MAML2: variants seen among roughly 807,000 people sequenced by gnomAD.
MAML2 encodes the protein mastermind like transcriptional coactivator 2.
In MAML2, 22 loss-of-function variants were observed where a neutral mutation model predicts 96.1. The observed-to-expected ratio is 0.23, with a 90% confidence interval of 0.16 to 0.33. The LOEUF is 0.33. Ranked by LOEUF, MAML2 falls within the 10% of genes least tolerant of loss-of-function variation. MAML2 has a pLI of 1.00. For missense variants in MAML2, 1,367 were observed against 1,392.4 expected, an observed-to-expected ratio of 0.98 and a Z score of 0.29; for synonymous variants, 561 against 521.3, an observed-to-expected ratio of 1.08 and a Z score of -1.04.
At chr11:96,164,770 C>A (rs1861165629) in intron 1 of MAML2, among the ~76,000 whole-genome samples, 1 of 152,180 alleles carries the variant, frequency 6.6e-6, no homozygotes, top group African/African-American at 2.4e-5. Context: ...ATGCTTAAGA[C>A]AGATAGTGTG....
chr11:96,069,517 A>G (rs1397361178), intron 2 of MAML2, among the ~76,000 whole-genome samples: 1 of 151,830 alleles, frequency 6.6e-6, no homozygotes, highest in Admixed American at 6.6e-5. Flanking sequence ...CTACAAAAAA[A>G]GTACACAAAA....
At chr11:96,102,557 T>A (rs1306031086) in intron 1 of MAML2, among the ~76,000 whole-genome samples, 1 of 152,196 alleles carries the variant, frequency 6.6e-6, no homozygotes, top group Non-Finnish European at 1.5e-5. Context: ...GATATTCTGT[T>A]AGTGGCAGTG....
At chr11:96,056,974 A>G (rs1859080136) in intron 2 of MAML2, among the ~76,000 whole-genome samples, 1 of 152,236 alleles carries the variant, frequency 6.6e-6, no homozygotes, top group Admixed American at 6.5e-5. Flanking sequence ...TGTTTGGTGT[A>G]TTGATCTACA....
intron 4 of MAML2, among the ~76,000 whole-genome samples, chr11:95,982,058 A>G (rs1857748139): frequency 6.6e-6 from 1 of 152,188 alleles, no homozygotes; most frequent in Non-Finnish European, 1.5e-5. Context: ...AAAATCTGGG[A>G]AAGGTAATCA....
chr11:96,250,765 G>A lies in MAML2; in HGVS notation c.513+90618C>T, dbSNP rs76298607. Among the ~76,000 whole-genome samples the A allele has an allele frequency of 9.7e-3, 1,477 of 152,312 alleles. 22 individuals carry two copies. Among genetic ancestry groups the A allele is most frequent in the African/African-American group, 0.033 (1,388 of 41,568 alleles). ...GCTGTCCTTGCATACAGACTAAATA[G>A]GGAGGCTTTTTGGACTGGCAAAACA... On this transcript the variant is annotated intron_variant, in intron 1 of 4. Transcript: ENST00000524717.
At chr11:96,267,154 G>C (rs1476980319) in intron 1 of MAML2, among the ~76,000 whole-genome samples, 1 of 152,146 alleles carries the variant, frequency 6.6e-6, no homozygotes, top group Non-Finnish European at 1.5e-5. Context: ...AAAATACACA[G>C]TATTTGAAGA....
chr11:96,206,811 A>C (rs1220008237), intron 1 of MAML2, among the ~76,000 whole-genome samples: 1 of 152,222 alleles, frequency 6.6e-6, no homozygotes. Context: ...CCATATTATT[A>C]TTTATCAAAT....
chr11:96,024,410 T>A (rs953664703), intron 2 of MAML2, among the ~76,000 whole-genome samples: 1 of 152,246 alleles, frequency 6.6e-6, no homozygotes, highest in African/African-American at 2.4e-5. Flanking sequence ...AGATCTTGCA[T>A]ATGAAGACTG....
At chr11:96,283,165 A>G (rs528032714) in intron 1 of MAML2, among the ~76,000 whole-genome samples, 1 of 152,346 alleles carries the variant, frequency 6.6e-6, no homozygotes, top group African/African-American at 2.4e-5. Flanking sequence ...AAGTGATGTT[A>G]ACTGTCAAGG....
At chr11:96,118,072 A>G (rs1276633406) in intron 1 of MAML2, among the ~76,000 whole-genome samples, 2 of 152,204 alleles carry the variant, frequency 1.3e-5, no homozygotes, top group African/African-American at 4.8e-5. Flanking sequence ...AAGTTGACTT[A>G]TATTTGATTT....
intron 1 of MAML2, among the ~76,000 whole-genome samples, chr11:96,292,576 A>G (rs1030252908): frequency 1.4e-4 from 21 of 152,232 alleles, no homozygotes; most frequent in African/African-American, 4.8e-4. Flanking sequence ...CCTAAAGGCC[A>G]TACTCTTTCC....
chr11:96,162,575 G>C (rs1861126524), intron 1 of MAML2, among the ~76,000 whole-genome samples: 1 of 152,002 alleles, frequency 6.6e-6, no homozygotes, highest in South Asian at 2.1e-4. Context: ...GCCGGGCATG[G>C]TGGTGCATGC....
chr11:96,181,914 A>G (rs1381305617), intron 1 of MAML2, among the ~76,000 whole-genome samples: 2 of 152,254 alleles, frequency 1.3e-5, no homozygotes, highest in Admixed American at 1.3e-4. Context: ...TAATTCAGCG[A>G]AAATCTTCCC....
chr11:95,985,735 A>C, intron 3 of MAML2, 93 bp from the exon 4 acceptor site: 1 of 790,874 alleles, frequency 1.3e-6, no homozygotes, highest in Non-Finnish European at 2.0e-6. Context: ...CAGAAAATAT[A>C]AGAACAATTT....
intron 1 of MAML2, among the ~76,000 whole-genome samples, chr11:96,262,348 T>A (rs12280721): frequency 0.013 from 1,982 of 152,340 alleles, 40 homozygotes; most frequent in African/African-American, 0.046. Flanking sequence ...ATTTATTGTA[T>A]AAATAAAATT....
At chr11:96,060,076 A>G (rs1478735261) in intron 2 of MAML2, among the ~76,000 whole-genome samples, 1 of 152,248 alleles carries the variant, frequency 6.6e-6, no homozygotes, top group Non-Finnish European at 1.5e-5. Context: ...AGAGTACTTC[A>G]GGTCCAGGGA....
At chr11:96,084,982 G>T (rs1394446776) in intron 2 of MAML2, among the ~76,000 whole-genome samples, 1 of 152,188 alleles carries the variant, frequency 6.6e-6, no homozygotes, top group East Asian at 1.9e-4. Flanking sequence ...CATCATCGAG[G>T]ATCTTGAAAA....
intron 1 of MAML2, among the ~76,000 whole-genome samples, chr11:96,167,841 G>A (rs1490475606): frequency 6.6e-6 from 1 of 152,196 alleles, no homozygotes; most frequent in African/African-American, 2.4e-5. Flanking sequence ...TTTTCTGGAA[G>A]CCTTTCTTGA....
intron 1 of MAML2, among the ~76,000 whole-genome samples, chr11:96,202,974 A>T (rs931457469): frequency 6.6e-6 from 1 of 152,168 alleles, no homozygotes; most frequent in Non-Finnish European, 1.5e-5. Context: ...CAAAGGAAAC[A>T]CCTAGTAAAG....
Sources: gnomAD v4.1 joint callset for allele counts (sites outside exome capture counted in the v4.1 genomes callset) on GRCh38, gnomAD v4.1.1 for gene constraint, MANE v1.5 for transcripts, NCBI Gene and HGNC (gene_info 2026-07-23, HGNC 2026-07-21) for gene names.